The following ERI1 variants were observed in gnomAD, a reference collection of about 807,000 sequenced individuals.
ERI1 encodes the protein exoribonuclease 1, also known as 3'-5' exoribonuclease 1.
Under a neutral mutation model 39.7 loss-of-function variants are expected in ERI1, and 39 were observed. That is an observed-to-expected ratio of 0.98 (90% CI 0.76 to 1.28). The LOEUF (loss-of-function observed/expected upper bound fraction) is 1.28, where lower values mean the gene tolerates loss of function less well. Ranked by LOEUF, ERI1 falls within the 50% of genes most tolerant of loss-of-function variation. The probability of loss-of-function intolerance (pLI) is 0.00; values close to 1 mark genes in which losing one functional copy is unlikely to be tolerated. For missense variants in ERI1, 581 were observed against 416.9 expected (o/e 1.39, Z -3.43); for synonymous variants, 204 against 149.6 (o/e 1.36, Z -2.65).
At chr8:9,095,158 G>A (rs148104017) in intron 3 of ERI1, among the ~76,000 whole-genome samples, 6 of 152,276 alleles carry the variant, frequency 3.9e-5, no homozygotes, top group African/African-American at 7.2e-5. Context: ...CATCTGGCAC[G>A]CTGTAGGGCT....
chr8:9,021,451 C>A (rs957967689), intron 6 of ERI1, among the ~76,000 whole-genome samples: 2 of 152,124 alleles, frequency 1.3e-5, no homozygotes, highest in African/African-American at 4.8e-5. Context: ...TTTGGAGAAG[C>A]ATGTTCTAAA....
At chr8:9,009,521 A>C (rs111707387) in intron 2 of ERI1, among the ~76,000 whole-genome samples, 2 of 152,250 alleles carry the variant, frequency 1.3e-5, no homozygotes, top group Non-Finnish European at 2.9e-5. Flanking sequence ...AGGACATAAA[A>C]GTGTATTGAG....
chr8:9,039,483 C>T (rs920674088), intron 3 of ERI1, among the ~76,000 whole-genome samples: 3 of 152,122 alleles, frequency 2.0e-5, no homozygotes, highest in South Asian at 2.1e-4. Flanking sequence ...CATCACAGAA[C>T]ACCTTTTGTA....
intron 1 of ERI1, chr8:9,004,052 G>A (rs929952017): frequency 3.6e-5 from 46 of 1,287,790 alleles, no homozygotes; most frequent in Non-Finnish European, 4.7e-5. Flanking sequence ...ATCTCACACA[G>A]TTTTTTCCCT....
intron 3 of ERI1, among the ~76,000 whole-genome samples, chr8:9,012,553 A>T (rs765181656): frequency 4.6e-5 from 7 of 152,182 alleles, no homozygotes; most frequent in Non-Finnish European, 1.0e-4. Context: ...GTCTTAGCCT[A>T]TTTCTATAAT....
intron 6 of ERI1, among the ~76,000 whole-genome samples, chr8:9,023,792 A>AATTTT (rs369208558): frequency 2.9e-5 from 2 of 68,670 alleles, no homozygotes; most frequent in Admixed American, 1.8e-4. Flanking sequence ...AGTAAAAATG[A>AATTTT]CTTTTTTTTT....
chr8:9,055,835 C>T (rs1023091247), intron 3 of ERI1, among the ~76,000 whole-genome samples: 5 of 152,056 alleles, frequency 3.3e-5, no homozygotes, highest in African/African-American at 4.8e-5. Context: ...CCACTGTGCC[C>T]GGGAGGAATA....
intron 1 of ERI1, among the ~76,000 whole-genome samples, chr8:9,003,681 A>G (rs373394719): frequency 1.3e-5 from 2 of 152,158 alleles, no homozygotes; most frequent in African/African-American, 4.8e-5. Flanking sequence ...TAACCATAGT[A>G]TAAGATTGAA....
chr8:9,028,738 C>G (rs956365615), intron 6 of ERI1, among the ~76,000 whole-genome samples: 8 of 152,046 alleles, frequency 5.3e-5, no homozygotes, highest in Non-Finnish European at 1.0e-4. Flanking sequence ...ATTCTTCTGC[C>G]TCAGCCTCCC....
At chr8:9,019,179 T>G (rs1353775799) in intron 5 of ERI1, among the ~76,000 whole-genome samples, 2 of 152,180 alleles carry the variant, frequency 1.3e-5, no homozygotes, top group Admixed American at 1.3e-4. Context: ...GATTAAAACA[T>G]AGATGACAGA....
chr8:9,021,891 T>A (rs1817947532), intron 6 of ERI1, among the ~76,000 whole-genome samples: 2 of 152,092 alleles, frequency 1.3e-5, no homozygotes, highest in South Asian at 4.2e-4. Flanking sequence ...TTTGTTTATC[T>A]GTTCTACTTT....
rs71201904 is a variant in ERI1, at chr8:9,004,485, C to CTTTTTTTTTTTT, written c.108+1329_108+1340dup. Among the ~76,000 whole-genome samples the CTTTTTTTTTTTT allele has an allele frequency of 8.3e-4, 65 of 78,304 alleles. 3 individuals are homozygous for CTTTTTTTTTTTT. The highest frequency in any genetic ancestry group is 2.9e-3 in the African/African-American group (59 of 20,060). 51.4% of individuals were successfully genotyped at this position (78,304 alleles called of 152,430 possible). ...CTGTTGCATGCTCTTTATAGTGATA[C>CTTTTTTTTTTTT]TTTTTTTTTTTTTTTTTTTTTTTTT... On this transcript the variant is annotated intron_variant, in intron 1 of 6. Coordinates refer to ENST00000250263, the MANE Select transcript of ERI1 (RefSeq NM_153332.4).
downstream of ERI1, chr8:9,033,424 C>A (rs1042493049): frequency 2.5e-5 from 1 of 40,612 alleles, no homozygotes; most frequent in Admixed American, 3.5e-4. Context: ...GTGGCACCAT[C>A]TGGCCAGCAA....
chr8:9,007,868 A>C, intron 1 of ERI1, 102 bp from the exon 2 acceptor site: 9 of 1,457,724 alleles, frequency 6.2e-6, no homozygotes, highest in Non-Finnish European at 8.2e-6. Context: ...TAGCATGAAG[A>C]GGCTTCAGAA....
intron 3 of ERI1, among the ~76,000 whole-genome samples, chr8:9,062,221 G>A (rs1368992101): frequency 6.6e-6 from 1 of 152,076 alleles, no homozygotes; most frequent in Non-Finnish European, 1.5e-5. Context: ...AAGTTTTAAT[G>A]AGATTGTAAG....
rs562301194 is a variant in ERI1 at position 9,043,990 on chromosome 8, G to A, written n.299+23526G>A. On this transcript the variant is annotated intron_variant and non_coding_transcript_variant, in intron 3 of 3. Coordinates refer to the ERI1 transcript ENST00000518663. The stretch of plus-strand genomic sequence containing the variant: ...ATGGTGTTTAAGGCTATAAGAGATT[G>A]GAATTAGACCTGGGTTTAGATCTTG... Among the ~76,000 whole-genome samples the A allele has an allele frequency of 2.6e-5, 4 of 152,312 alleles. 1 individual carries two copies. The highest frequency in any genetic ancestry group is 6.8e-3 in the Middle Eastern group (2 of 294).
chr8:9,049,545 T>TA (rs35232157), intron 3 of ERI1, among the ~76,000 whole-genome samples: 59,967 of 147,592 alleles, frequency 0.41, 14,135 homozygotes, highest in East Asian at 0.69. Flanking sequence ...ATTTTGACTT[T>TA]AAAAAAAAAA....
Position 9,008,984 on chromosome 8 carries a change from A to T in ERI1, c.287+836A>T, listed in dbSNP as rs572231200. Reference sequence around the variant, plus strand: ...TTCTAGATTGTCTACATCATAATGTATGAAGAAATTTTTGACTCCTATTTC... The same window carrying T: ...TTCTAGATTGTCTACATCATAATGTTTGAAGAAATTTTTGACTCCTATTTC... On this transcript the variant is annotated intron_variant, in intron 2 of 6. Coordinates refer to ENST00000250263, the MANE Select transcript of ERI1 (RefSeq NM_153332.4). 12 of 456,182 alleles carry T rather than the reference A, an allele frequency of 2.6e-5. No individual in the cohort carries two copies. The East Asian group carries it at 5.6e-4, about 21-fold the overall frequency. 28.3% of individuals were successfully genotyped at this position (456,182 alleles called of 1,614,324 possible).
chr8:9,005,227 G>T, intron 1 of ERI1, among the ~76,000 whole-genome samples: 1 of 152,106 alleles, frequency 6.6e-6, no homozygotes, highest in Non-Finnish European at 1.5e-5. Context: ...TTTTTTAAAA[G>T]GTAGTACCTA....
Sources: allele counts gnomAD v4.1 joint callset (sites outside exome capture counted in the v4.1 genomes callset), GRCh38; gene constraint gnomAD v4.1.1; transcripts MANE v1.5; gene names NCBI Gene and HGNC (gene_info 2026-07-23, HGNC 2026-07-21).